Variants in KIAA1671 observed in about 807,000 individuals in gnomAD.
The protein encoded by KIAA1671 is KIAA1671.
In KIAA1671, 52 loss-of-function variants were observed where a neutral mutation model predicts 131.2. The observed-to-expected ratio is 0.40, with a 90% confidence interval of 0.32 to 0.50. The LOEUF is 0.50. Among genes scored for constraint, KIAA1671 ranks in the 20% least tolerant of loss-of-function variants. The pLI, the probability that KIAA1671 is intolerant of heterozygous loss-of-function variation, is 0.73. For synonymous variants in KIAA1671, 1,003 were observed against 961.6 expected, an observed-to-expected ratio of 1.04 and a Z score of -0.80; for missense variants, 2,360 against 2,364.2, an observed-to-expected ratio of 1.00 and a Z score of 0.04.
chr22:24,953,808 G>A lies in KIAA1671; in HGVS notation c.-208+1036G>A, dbSNP rs570177396. 5.3e-5 allele frequency among the ~76,000 whole-genome samples: 8 copies of A among 152,326 alleles called. No individual in the cohort carries two copies. The South Asian group carries it at 1.7e-3, about 32-fold the overall frequency. On this transcript the variant is annotated intron_variant, in intron 1 of 12. Transcript: ENST00000358431. The stretch of plus-strand genomic sequence containing the variant: ...GTGGCTAGGGCTTCCTGCCTGCCGG[G>A]ACTGAACTTTCTCTAGCCAGGAGCA...
At chr22:24,989,675 G>C (rs1338669549) in intron 1 of KIAA1671, among the ~76,000 whole-genome samples, 5 of 152,124 alleles carry the variant, frequency 3.3e-5, no homozygotes, top group African/African-American at 1.2e-4. Context: ...GAGAGTCCCT[G>C]GGTGGGGAAG....
chr22:24,985,729 T>A (rs59476823), intron 1 of KIAA1671, among the ~76,000 whole-genome samples: 1 of 146,968 alleles, frequency 6.8e-6, no homozygotes, highest in Non-Finnish European at 1.5e-5. Flanking sequence ...AGAGAGAGAG[T>A]GTGTGAGTGT....
At chr22:25,046,306 GAAAAA>G (rs1228735603) in intron 5 of KIAA1671, among the ~76,000 whole-genome samples, 3 of 140,600 alleles carry the variant, frequency 2.1e-5, no homozygotes, top group African/African-American at 8.7e-5. Flanking sequence ...TGTCTCAAGA[GAAAAA>G]AAAAGAAGAA....
intron 1 of KIAA1671, among the ~76,000 whole-genome samples, chr22:24,976,292 T>G (rs1026593665): frequency 1.8e-4 from 28 of 152,242 alleles, no homozygotes; most frequent in African/African-American, 5.1e-4. Flanking sequence ...GCCTTTCTTT[T>G]GGAAGCTTTC....
rs1056710153 is a variant in KIAA1671, at chr22:25,113,622, C to A, written c.4531-57198C>A. Among the ~76,000 whole-genome samples the A allele has an allele frequency of 1.4e-4, 21 of 152,186 alleles. 1 individual carries two copies. Among genetic ancestry groups the A allele is most frequent in the Admixed American group, 1.2e-3 (19 of 15,280 alleles). On this transcript the variant is annotated intron_variant, in intron 6 of 12. Coordinates refer to ENST00000358431, the MANE Select transcript of KIAA1671 (RefSeq NM_001145206.2). ...TCTGCTGACCCAGAGGTGTGACTCA[C>A]CCCAGGTCACGCAGCAGCCAGAGCA...
At chr22:25,137,734 TTTTC>T (rs1456951521) in intron 6 of KIAA1671, among the ~76,000 whole-genome samples, 10 of 152,244 alleles carry the variant, frequency 6.6e-5, no homozygotes, top group African/African-American at 2.4e-5. Flanking sequence ...CATCAAGTGA[TTTTC>T]TTTCAAACCA....
intron 1 of KIAA1671, among the ~76,000 whole-genome samples, chr22:24,998,717 CA>C (rs34109303): frequency 0.033 from 2,508 of 76,128 alleles, 38 homozygotes; most frequent in African/African-American, 0.1. Context: ...GACTCTGTCT[CA>C]AAAAAAAAAA....
intron 1 of KIAA1671, among the ~76,000 whole-genome samples, chr22:24,971,103 C>T (rs189257403): frequency 4.3e-4 from 66 of 152,286 alleles, no homozygotes; most frequent in Admixed American, 1.2e-3. Flanking sequence ...ATTACAGGCA[C>T]GTGCCACCAT....
intron 6 of KIAA1671, among the ~76,000 whole-genome samples, chr22:25,123,798 T>C (rs1932055848): frequency 6.6e-6 from 1 of 152,222 alleles, no homozygotes; most frequent in Non-Finnish European, 1.5e-5. Flanking sequence ...GATCCCTGGC[T>C]TCCAGAAACG....
Position 25,028,921 on chromosome 22 carries a change from C to G in KIAA1671, c.922C>G (p.Pro308Ala). The G allele has an allele frequency of 6.4e-7, 1 of 1,551,584 alleles. No individual in the cohort carries two copies. The stretch of plus-strand genomic sequence containing the variant: ...GAAGGTGGCCGATGAAGGAAGTGGA[C>G]CCACAGCAGGGGATATGGCTGGGCT... ...LRKVADEGSG[P>A]TAGDMAGLER... The change falls in exon 3 of 13, where the codon CCC becomes GCC. Residue 308 changes from proline (P) to alanine (A), a missense_variant. Pro to Ala is a conservative substitution (Grantham distance 27). Transcript: ENST00000358431.
intron 1 of KIAA1671, among the ~76,000 whole-genome samples, chr22:25,020,354 T>C (rs1925596631): frequency 6.6e-6 from 1 of 152,242 alleles, no homozygotes; most frequent in Admixed American, 6.5e-5. Context: ...AAAAATGTTG[T>C]TGAAAGTGAA....
At chr22:25,080,875 T>A (rs1929366879) in intron 6 of KIAA1671, among the ~76,000 whole-genome samples, 1 of 152,116 alleles carries the variant, frequency 6.6e-6, no homozygotes, top group African/African-American at 2.4e-5. Context: ...AGACTTCCAC[T>A]TTTTGGTTCT....
At chr22:25,185,187 C>T (rs747066455) in intron 11 of KIAA1671, 68 bp downstream of exon 11, 10 of 1,433,692 alleles carry the variant, frequency 7.0e-6, no homozygotes, top group South Asian at 2.9e-5. Flanking sequence ...GAGAGGTGCT[C>T]GCATAGGTTT....
At chr22:25,128,854 A>G (rs1932303060) in intron 6 of KIAA1671, among the ~76,000 whole-genome samples, 3 of 152,198 alleles carry the variant, frequency 2.0e-5, no homozygotes, top group African/African-American at 7.2e-5. Context: ...AAGGCTTCTG[A>G]TTAGCTGGTT....
At chr22:25,073,433 G>A (rs1484455261) in intron 6 of KIAA1671, among the ~76,000 whole-genome samples, 2 of 152,172 alleles carry the variant, frequency 1.3e-5, no homozygotes, top group Admixed American at 1.3e-4. Flanking sequence ...GCAACCAGAT[G>A]TTTTGGTATA....
At chr22:25,037,589 C>T (rs1434710668) in intron 4 of KIAA1671, among the ~76,000 whole-genome samples, 1 of 152,034 alleles carries the variant, frequency 6.6e-6, no homozygotes, top group Non-Finnish European at 1.5e-5. Flanking sequence ...ATTATGTAAG[C>T]ATCACCACTA....
intron 9 of KIAA1671, 70 bp from the exon 10 acceptor site, chr22:25,181,629 A>G: frequency 1.3e-6 from 2 of 1,537,566 alleles, no homozygotes; most frequent in South Asian, 1.2e-5. Flanking sequence ...CTGTGTGCAA[A>G]TTATCTGGCA....
At chr22:25,093,740 C>CTA (rs1568951008) in intron 6 of KIAA1671, among the ~76,000 whole-genome samples, 1 of 101,482 alleles carries the variant, frequency 9.9e-6, no homozygotes, top group African/African-American at 4.7e-5. Flanking sequence ...CACACACACT[C>CTA]TCTCTCTCTC....
chr22:24,999,715 A>T (rs542802769), intron 1 of KIAA1671, among the ~76,000 whole-genome samples: 1 of 147,314 alleles, frequency 6.8e-6, no homozygotes, highest in East Asian at 2.0e-4. Context: ...GGCATGCACC[A>T]CTATGCCTGG....
Sources: gnomAD v4.1 joint callset for allele counts (sites outside exome capture counted in the v4.1 genomes callset) on GRCh38, gnomAD v4.1.1 for gene constraint, MANE v1.5 for transcripts, NCBI Gene and HGNC (gene_info 2026-07-23, HGNC 2026-07-21) for gene names.